THSD7A: variants seen among roughly 807,000 people sequenced by gnomAD.
THSD7A encodes the protein thrombospondin type 1 domain containing 7A.
THSD7A carries 96 observed loss-of-function variants against 231.3 expected under a neutral mutation model. The observed-to-expected ratio is 0.41, with a 90% CI of 0.35 to 0.49. The LOEUF (loss-of-function observed/expected upper bound fraction) is 0.49, where lower values mean the gene tolerates loss of function less well. Among genes scored for constraint, THSD7A ranks in the 20% least tolerant of loss-of-function variants. The probability of loss-of-function intolerance (pLI) is 0.05; values close to 1 mark genes in which losing one functional copy is unlikely to be tolerated. For missense variants in THSD7A, 2,290 were observed against 2,070.2 expected, an observed-to-expected ratio of 1.11 and a Z score of -2.06; for synonymous variants, 940 against 743.3, an observed-to-expected ratio of 1.26 and a Z score of -4.30.
intron 1 of THSD7A, among the ~76,000 whole-genome samples, chr7:11,769,869 T>C (rs1264379162): frequency 6.6e-6 from 1 of 152,210 alleles, no homozygotes; most frequent in East Asian, 1.9e-4. Flanking sequence ...ATAGCAGTGA[T>C]TAATTTCAAG....
rs561602910 is a variant in THSD7A, at chr7:11,600,165, ATAACT to A, written c.1023-6668_1023-6664del. The stretch of plus-strand genomic sequence containing the variant: ...CCTCTAGAGAATCTTGACTAATATA[ATAACT>A]TAACACCATATTGTTTAGAATAGAA... On this transcript the variant is annotated intron_variant, in intron 2 of 27. Coordinates refer to ENST00000423059, the MANE Select transcript of THSD7A (RefSeq NM_015204.3). 1.3e-4 allele frequency among the ~76,000 whole-genome samples: 20 copies of A among 152,222 alleles called. No individual in the cohort carries two copies. In the East Asian group the frequency reaches 1.4e-3, roughly 10 times the overall value.
At chr7:11,797,905 T>G (rs1309992944) in intron 1 of THSD7A, among the ~76,000 whole-genome samples, 7 of 152,210 alleles carry the variant, frequency 4.6e-5, no homozygotes, top group Non-Finnish European at 8.8e-5. Context: ...TCTAGTTGCA[T>G]TTAATTTAGG....
intron 1 of THSD7A, among the ~76,000 whole-genome samples, chr7:11,643,895 GC>G (rs1782184487): frequency 1.3e-5 from 2 of 151,794 alleles, no homozygotes; most frequent in South Asian, 4.1e-4. Context: ...TTGCAAAAGT[GC>G]CCACCAAAAT....
At chr7:11,655,195 C>A (rs1782658951) in intron 1 of THSD7A, among the ~76,000 whole-genome samples, 1 of 151,750 alleles carries the variant, frequency 6.6e-6, no homozygotes, top group Non-Finnish European at 1.5e-5. Flanking sequence ...TATCAAAGTG[C>A]TTCTGGGTTC....
chr7:11,392,789 C>T (rs1331773538), intron 23 of THSD7A, among the ~76,000 whole-genome samples: 3 of 152,334 alleles, frequency 2.0e-5, no homozygotes, highest in Non-Finnish European at 4.4e-5. Flanking sequence ...GGGCAGAGCC[C>T]ACCACAGCTC....
chr7:11,805,484 T>A (rs1784376403), intron 1 of THSD7A, among the ~76,000 whole-genome samples: 1 of 152,156 alleles, frequency 6.6e-6, no homozygotes. Context: ...ATATTCTAAT[T>A]GCTCTTTAAA....
At chr7:11,821,166 C>T in intron 1 of THSD7A, 2 of 1,135,430 alleles carry the variant, frequency 1.8e-6, no homozygotes, top group South Asian at 2.5e-5. Context: ...TATGTAATGT[C>T]ATTCCTGAGG....
rs372057544 is a variant in THSD7A at position 11,574,248 on chromosome 7, T to C, written c.1453+16212A>G. On this transcript the variant is annotated intron_variant, in intron 4 of 27. Transcript: ENST00000423059. ...CTCTTTGATATTTTCTTATTTATTT[T>C]TTGGTATATAATTTTTCTCCTTCCA... Among the ~76,000 whole-genome samples the C allele has an allele frequency of 7.2e-5, 11 of 151,740 alleles. No individual in the cohort carries two copies. In the South Asian group the frequency reaches 1.5e-3, roughly 20 times the overall value.
At position 11,481,922 on chromosome 7, in the gene THSD7A, T is replaced by G. The variant is rs1786442524; in HGVS notation, c.1883A>C (p.Asp628Ala). 6.2e-7 allele frequency: 1 copy of G among 1,613,596 alleles called. No homozygotes were observed. The highest frequency in any genetic ancestry group is 1.3e-5 in the African/African-American group (1 of 74,912). The change falls in exon 7 of 28, where the codon GAT (aspartate) becomes GCT (alanine). Residue 628 changes from aspartate to alanine, a missense_variant. By Grantham distance (126) the Asp-to-Ala change is moderately radical. Coordinates refer to ENST00000423059, the MANE Select transcript of THSD7A (RefSeq NM_015204.3). ...DAIFPIPVAC[D>A]APCPKDCVLS... is the part of the protein sequence containing the mutation. ...CACACAGTCTTTCGGGCATGGGGCA[T>G]CACAGGCCACAGGGATGGGGAAGAT...
intron 1 of THSD7A, among the ~76,000 whole-genome samples, chr7:11,658,221 T>C (rs1782782673): frequency 6.6e-6 from 1 of 151,852 alleles, no homozygotes; most frequent in African/African-American, 2.4e-5. Flanking sequence ...CTATTTCTTT[T>C]TAAGAGAGAG....
chr7:11,794,624 T>C (rs776820255), intron 1 of THSD7A, among the ~76,000 whole-genome samples: 3 of 152,000 alleles, frequency 2.0e-5, no homozygotes, highest in East Asian at 1.9e-4. Context: ...GTATTTAAGC[T>C]TGCTTAATTT....
rs57467031 is a variant in THSD7A at position 11,473,641 on chromosome 7, A to T, written c.2252+693T>A. 8.9e-3 allele frequency among the ~76,000 whole-genome samples: 1,356 copies of T among 152,230 alleles called. 19 individuals are homozygous for T. Among genetic ancestry groups the T allele is most frequent in the African/African-American group, 0.031 (1,275 of 41,546 alleles). On this transcript the variant is annotated intron_variant, in intron 8 of 27. Transcript: ENST00000423059. ...TCTCTATGAAGTGATTAGCTCAGTT[A>T]TGCCATTATTTTTGTTTATACTTCT...
intron 1 of THSD7A, among the ~76,000 whole-genome samples, chr7:11,782,249 TA>T (rs572199384): frequency 2.1e-3 from 325 of 152,326 alleles, no homozygotes; most frequent in African/African-American, 7.6e-3. Context: ...ATTTTCTGAT[TA>T]AAAAGTCTGA....
intron 23 of THSD7A, 85 bp from the exon 24 acceptor site, chr7:11,382,701 TGAAA>T: frequency 1.8e-5 from 18 of 1,012,902 alleles, no homozygotes; most frequent in Non-Finnish European, 2.6e-5. Context: ...AACATATTAC[TGAAA>T]AGTAATAAGC....
At chr7:11,451,371 G>C (rs1235157753) in intron 11 of THSD7A, among the ~76,000 whole-genome samples, 4 of 151,974 alleles carry the variant, frequency 2.6e-5, no homozygotes, top group Admixed American at 6.6e-5. Context: ...TGTTAAAAAT[G>C]CTCAAGTATT....
At chr7:11,645,145 A>G (rs1470319773) in intron 1 of THSD7A, among the ~76,000 whole-genome samples, 2 of 151,924 alleles carry the variant, frequency 1.3e-5, no homozygotes, top group East Asian at 3.9e-4. Context: ...TTTGATGAAT[A>G]TGCCCAAATC....
At chr7:11,783,471 A>ATGTATGTATGTATACATTTGGTCATC (rs1783694869) in intron 1 of THSD7A, among the ~76,000 whole-genome samples, 1 of 152,154 alleles carries the variant, frequency 6.6e-6, no homozygotes, top group Non-Finnish European at 1.5e-5. Flanking sequence ...GTAAATCAGA[A>ATGTATGTATGTATACATTTGGTCATC]CCATATGTAT....
At chr7:11,490,572 T>C (rs973095084) in intron 6 of THSD7A, among the ~76,000 whole-genome samples, 1 of 152,108 alleles carries the variant, frequency 6.6e-6, no homozygotes, top group Non-Finnish European at 1.5e-5. Context: ...GTGTACAGTA[T>C]GGGTATAATC....
At chr7:11,688,178 T>C (rs890847176) in intron 1 of THSD7A, among the ~76,000 whole-genome samples, 4 of 151,246 alleles carry the variant, frequency 2.6e-5, no homozygotes, top group African/African-American at 7.3e-5. Flanking sequence ...GTCCTTGTGA[T>C]AGTTTGCTGA....
Sources: gnomAD v4.1 joint callset for allele counts (sites outside exome capture counted in the v4.1 genomes callset) on GRCh38, gnomAD v4.1.1 for gene constraint, MANE v1.5 for transcripts, NCBI Gene and HGNC (gene_info 2026-07-23, HGNC 2026-07-21) for gene names.